PRKDC: variants seen among roughly 807,000 people sequenced by gnomAD.
The protein encoded by PRKDC is DNA-dependent protein kinase catalytic subunit.
PRKDC carries 82 observed loss-of-function variants against 486.9 expected under a neutral mutation model. The observed-to-expected ratio is 0.17, with a 90% confidence interval of 0.14 to 0.20. The LOEUF (loss-of-function observed/expected upper bound fraction) is 0.20. Among genes scored for constraint, PRKDC ranks in the 10% least tolerant of loss-of-function variants. PRKDC has a pLI of 1.00. For synonymous variants in PRKDC, 1,895 were observed against 1,837.0 expected (o/e 1.03, Z -0.81); for missense variants, 4,504 against 5,038.2 (o/e 0.89, Z 3.21).
At position 47,773,254 on chromosome 8, in the gene PRKDC, C is replaced by CG. The variant is rs374844654; in HGVS notation, c.*918dup. ...AAACAGTTTGGGTGTGGAGGACTGGCGGGGGGGGACAGGGACTGCACATGG... is the reference window on the plus strand; with the variant it reads ...AAACAGTTTGGGTGTGGAGGACTGGCGGGGGGGGGACAGGGACTGCACATGG... On this transcript the variant is annotated 3_prime_UTR_variant, in exon 86 of 86. Coordinates refer to ENST00000314191, the MANE Select transcript of PRKDC (RefSeq NM_006904.7). The CG allele has an allele frequency of 2.5e-3, 566 of 223,254 alleles. 1 individual carries two copies. Among genetic ancestry groups the CG allele is most frequent in the South Asian group, 8.3e-3 (45 of 5,426 alleles). The allele number at this position is 223,254 out of a possible 1,614,324, so 13.8% of individuals were successfully genotyped here.
intron 22 of PRKDC, among the ~76,000 whole-genome samples, chr8:47,915,804 C>T (rs903725583): frequency 7.2e-5 from 11 of 152,208 alleles, no homozygotes; most frequent in African/African-American, 1.9e-4. Context: ...GTCCTCACAC[C>T]GATATTGCAG....
intron 40 of PRKDC, among the ~76,000 whole-genome samples, chr8:47,876,256 A>C (rs959491188): frequency 6.6e-6 from 1 of 152,236 alleles, no homozygotes; most frequent in African/African-American, 2.4e-5. Context: ...ATACAACTCA[A>C]GACAAATTTA....
In PRKDC at chr8:47,795,663, T is replaced by G. The variant is rs547636616; in HGVS notation, c.10459-1162A>C. 3.3e-5 allele frequency among the ~76,000 whole-genome samples: 5 copies of G among 151,952 alleles called. No homozygotes were observed. The East Asian group carries it at 9.7e-4, about 30-fold the overall frequency. On this transcript the variant is annotated intron_variant, in intron 73 of 85. Coordinates refer to ENST00000314191, the MANE Select transcript of PRKDC (RefSeq NM_006904.7). ...CACTCGTCACCATACCCAGCTAATT[T>G]TTGTACTTTTAGTAGAGACAAGTTT...
At position 47,789,052 on chromosome 8, in the gene PRKDC, G is replaced by A; in HGVS notation, c.10759-3C>T. 1 of 1,610,392 alleles carries A rather than the reference G, an allele frequency of 6.2e-7. No homozygotes were observed. The highest frequency in any genetic ancestry group is 8.5e-7 in the Non-Finnish European group (1 of 1,178,720). On this transcript the variant is annotated splice_region_variant and splice_polypyrimidine_tract_variant and intron_variant, in intron 75 of 85. Coordinates refer to ENST00000314191, the MANE Select transcript of PRKDC (RefSeq NM_006904.7). ...GCTCTTACATCATTGCTCCAATCCT[G>A]TCAGGGGAAAAAAAAAGTAAGAAAA...
chr8:47,860,852 TA>T (rs1442914170), intron 45 of PRKDC, 46 bp downstream of exon 45: 1 of 1,439,758 alleles, frequency 6.9e-7, no homozygotes, highest in Non-Finnish European at 9.6e-7. Context: ...CAAAACAAAA[TA>T]ACCCATCGAT....
In PRKDC at chr8:47,897,269, A is replaced by T; in HGVS notation, c.3490T>A (p.Cys1164Ser). 1 of 1,599,558 alleles carries T rather than the reference A, an allele frequency of 6.3e-7. No individual in the cohort carries two copies. The highest frequency in any genetic ancestry group is 8.6e-7 in the Non-Finnish European group (1 of 1,168,530). Residue 1164 changes from cysteine to serine, a missense_variant, in exon 30 of 86, where the codon TGT (cysteine) becomes AGT (serine). Cys to Ser is a moderately radical substitution (Grantham distance 112). Around this residue, in one of 6 missense-constraint regions of PRKDC, gnomAD observed 1,969 missense variants for 2,068.9 expected, o/e 0.95. Coordinates refer to ENST00000314191, the MANE Select transcript of PRKDC (RefSeq NM_006904.7). ...PRGFPPSASL[C>S]LLDLVKWLLA... ...AGCCACTTGACCAGATCCAATAAAC[A>T]CAATGATGCGGAAGGTGGAAATCCT...
At chr8:47,943,142 C>A in intron 10 of PRKDC, 67 bp downstream of exon 10, 1 of 1,509,224 alleles carries the variant, frequency 6.6e-7, no homozygotes, top group Non-Finnish European at 9.0e-7. Context: ...AACATGCATG[C>A]ATGCAAAGGG....
intron 21 of PRKDC, among the ~76,000 whole-genome samples, chr8:47,925,108 G>T (rs1455459512): frequency 1.3e-5 from 2 of 152,122 alleles, no homozygotes; most frequent in Non-Finnish European, 2.9e-5. Flanking sequence ...GGAGCACCTG[G>T]GACCTCCCCC....
At chr8:47,944,504 A>G (rs1370386322) in intron 7 of PRKDC, among the ~76,000 whole-genome samples, 4 of 150,688 alleles carry the variant, frequency 2.7e-5, no homozygotes, top group Non-Finnish European at 4.4e-5. Flanking sequence ...AAAAAAACAG[A>G]AAAAAAAACA....
chr8:47,845,707 A>G (rs924000602), intron 54 of PRKDC, among the ~76,000 whole-genome samples: 9 of 151,988 alleles, frequency 5.9e-5, no homozygotes, highest in Non-Finnish European at 1.0e-4. Context: ...AAAAGCAGAA[A>G]ACAAAAAACC....
In PRKDC at chr8:47,819,497, A is replaced by G. The variant is rs2154498924; in HGVS notation, c.9350T>C (p.Ile3117Thr). 5 of 1,391,652 alleles carry G rather than the reference A, an allele frequency of 3.6e-6. No individual in the cohort carries two copies. The highest frequency in any genetic ancestry group is 2.5e-5 in the East Asian group (1 of 40,000). 86.2% of individuals were successfully genotyped at this position (1,391,652 alleles called of 1,614,324 possible). ...TCTACTTTGGTGTAAGAGGACATCA[A>G]TACTAGAATAATTCTTAAAAAAAAA... ...IQSFMQNYSS[I>T]DVLLHQSRLT... The change falls in exon 67 of 86, where the codon ATT becomes ACT. Residue 3117 changes from isoleucine to threonine, a missense_variant. Ile to Thr is a moderately conservative substitution (Grantham distance 89). Around this residue, in one of 6 missense-constraint regions of PRKDC, gnomAD observed 1,592 missense variants for 1,724.6 expected, o/e 0.92. Transcript: ENST00000314191.
intron 63 of PRKDC, among the ~76,000 whole-genome samples, chr8:47,825,504 CAAA>C (rs397891351): frequency 2.0e-4 from 2 of 10,254 alleles, no homozygotes; most frequent in African/African-American, 7.2e-4. Flanking sequence ...AAGACTGTCT[CAAA>C]AAAAAAAAAA....
intron 25 of PRKDC, among the ~76,000 whole-genome samples, chr8:47,910,471 T>C (rs2089878510): frequency 6.6e-6 from 1 of 152,212 alleles, no homozygotes; most frequent in South Asian, 2.1e-4. Flanking sequence ...AATTTTCATA[T>C]ACACACAAGG....
rs1190679594 is a variant in PRKDC at position 47,819,538 on chromosome 8, C to T, written c.9337-28G>A. 5.0e-6 allele frequency: 5 copies of T among 997,866 alleles called. No individual in the cohort carries two copies. In the East Asian group the frequency reaches 8.4e-5, roughly 17 times the overall value. 61.8% of individuals were successfully genotyped at this position (997,866 alleles called of 1,614,324 possible). A position where few individuals can be genotyped will look rare whatever the true frequency, so the allele number is the denominator to read the frequency against. On this transcript the variant is annotated intron_variant, in intron 66 of 85. Transcript: ENST00000314191. ...TAAAAAAAAAAAAAAAAAAAAAGGG[C>T]ATTTACAAATGCCATGTTATAAATC...
Position 47,830,656 on chromosome 8 carries a change from G to C in PRKDC, c.8346C>G (p.Asp2782Glu), listed in dbSNP as rs746599686. ...YRSYRHGDLP[D>E]IQIKHSSLIT... Reference sequence around the variant, plus strand: ...TGAGGCTGCTGTGCTTGATCTGAATGTCAGGAAGGTCTCCGTGCCGGTAGC... The same window carrying C: ...TGAGGCTGCTGTGCTTGATCTGAATCTCAGGAAGGTCTCCGTGCCGGTAGC... The change falls in exon 61 of 86, where the codon GAC becomes GAG. Residue 2782 changes from aspartate to glutamate, a missense_variant. Physicochemically the swap from Asp to Glu is conservative, Grantham distance 45. Transcript: ENST00000314191. The C allele has an allele frequency of 1.2e-6, 2 of 1,614,014 alleles. No individual in the cohort carries two copies. Among genetic ancestry groups the C allele is most frequent in the Non-Finnish European group, 1.7e-6 (2 of 1,179,892 alleles).
In PRKDC at chr8:47,902,688, C is replaced by T. The variant is rs775643084; in HGVS notation, c.3150G>A (p.Glu1050=). The change falls in exon 27 of 86, where the codon GAG becomes GAA. Residue 1050 remains glutamate, a synonymous_variant. Coordinates refer to ENST00000314191, the MANE Select transcript of PRKDC (RefSeq NM_006904.7). ...SIKQITPQQQ[E]KSPVNTKSLF... ...GCGATTTGGTGTTTACTGGACTCTT[C>T]TCCTGCTGCTGTGGTGTTATTTGCT... 1.2e-6 allele frequency: 2 copies of T among 1,613,932 alleles called. No homozygotes were observed. Among genetic ancestry groups the T allele is most frequent in the South Asian group, 2.2e-5 (2 of 91,072 alleles).
At chr8:47,776,814 G>C in intron 85 of PRKDC, 30 bp downstream of exon 85, 4 of 1,612,170 alleles carry the variant, frequency 2.5e-6, no homozygotes, top group Non-Finnish European at 3.4e-6. Flanking sequence ...TCGGTAGTCC[G>C]TTAGTTTTTT....
In PRKDC at chr8:47,889,103, A is replaced by C. The variant is rs1242205024; in HGVS notation, c.4191T>G (p.Asp1397Glu). 1 of 1,614,014 alleles carries C rather than the reference A, an allele frequency of 6.2e-7. No homozygotes were observed. The change falls in exon 33 of 86, where the codon GAT becomes GAG. Residue 1397 changes from aspartate to glutamate, a missense_variant. Physicochemically the swap from Asp to Glu is conservative, Grantham distance 45. This residue lies in a region of PRKDC where 1,969 missense variants were observed against 2,068.9 expected (regional missense o/e 0.95). Transcript: ENST00000314191. ...GAGCTTTCATCAGATTCACACAAAC[A>C]TCAGGAAGATGAGCCATAACCTGGA... is the stretch of plus-strand genomic sequence containing the variant. ...GDVQVMAHLP[D>E]VCVNLMKALK...
intron 10 of PRKDC, among the ~76,000 whole-genome samples, chr8:47,942,595 C>G (rs1049043361): frequency 6.6e-6 from 1 of 152,186 alleles, no homozygotes; most frequent in African/African-American, 2.4e-5. Flanking sequence ...CCTAAGAAAA[C>G]ATTTGTTGTG....
Sources: allele counts gnomAD v4.1 joint callset (sites outside exome capture counted in the v4.1 genomes callset), GRCh38; gene constraint gnomAD v4.1.1; regional missense constraint gnomAD v4.1.1; transcripts MANE v1.5; gene names NCBI Gene and HGNC (gene_info 2026-07-23, HGNC 2026-07-21).